Variants in TRPS1 observed in about 807,000 individuals in gnomAD.
TRPS1 encodes the protein transcriptional repressor GATA binding 1, also known as zinc finger transcription factor Trps1.
A neutral mutation model predicts 101.2 loss-of-function variants in TRPS1; 6 were observed. The observed-to-expected ratio is 0.06, with a 90% CI of 0.03 to 0.12. The LOEUF is 0.12. Among genes scored for constraint, TRPS1 ranks in the 10% least tolerant of loss-of-function variants. The probability of loss-of-function intolerance (pLI) is 1.00; values close to 1 mark genes in which losing one functional copy is unlikely to be tolerated. For missense variants in TRPS1, 1,363 were observed against 1,567.0 expected (o/e 0.87, Z 2.20); for synonymous variants, 578 against 589.8 (o/e 0.98, Z 0.29).
chr8:115,514,950 A>G (rs1044248451), intron 5 of TRPS1, among the ~76,000 whole-genome samples: 1 of 151,652 alleles, frequency 6.6e-6, no homozygotes, highest in Non-Finnish European at 1.5e-5. Context: ...ATGGTTTTTA[A>G]AAATGTTTTT....
chr8:115,619,689 G>A lies in TRPS1; in HGVS notation c.409C>T (p.Pro137Ser). 1 of 1,614,164 alleles carries A rather than the reference G, an allele frequency of 6.2e-7. No individual in the cohort carries two copies. The highest frequency in any genetic ancestry group is 8.5e-7 in the Non-Finnish European group (1 of 1,180,038). Residue 137 changes from proline (P) to serine (S), a missense_variant, in exon 3 of 7, where the codon CCC becomes TCC. Transcript: ENST00000395715. Reference sequence around the variant, plus strand: ...TCTGCTCTTTGCGGAGACTTCAAGGGCTCACAGACTCCCCCAGCAGCTGGA... The same window carrying A: ...TCTGCTCTTTGCGGAGACTTCAAGGACTCACAGACTCCCCCAGCAGCTGGA... ...SSPAAGGVCE[P>S]LKSPQRAEAD... is the part of the protein sequence containing the mutation.
chr8:115,467,139 A>C (rs1814342051), intron 5 of TRPS1, among the ~76,000 whole-genome samples: 1 of 152,138 alleles, frequency 6.6e-6, no homozygotes, highest in Non-Finnish European at 1.5e-5. Context: ...ATTTATGTAA[A>C]GGGAAGGAGC....
intron 1 of TRPS1, chr8:115,637,315 A>G: frequency 1.0e-6 from 1 of 985,424 alleles, no homozygotes; most frequent in South Asian, 4.7e-5. Context: ...AGAAAGCAGG[A>G]AGCCACTTGA....
At chr8:115,416,876 CAT>C (rs1174270191) in intron 6 of TRPS1, among the ~76,000 whole-genome samples, 1 of 152,118 alleles carries the variant, frequency 6.6e-6, no homozygotes, top group Non-Finnish European at 1.5e-5. Context: ...GCATTATAAA[CAT>C]ATGCATTATT....
chr8:115,419,647 A>T (rs1365180212), intron 5 of TRPS1, among the ~76,000 whole-genome samples: 1 of 152,204 alleles, frequency 6.6e-6, no homozygotes, highest in Admixed American at 6.5e-5. Flanking sequence ...GTACTCTGAT[A>T]CATTTCAAAT....
At chr8:115,504,657 A>G (rs1054859506) in intron 5 of TRPS1, among the ~76,000 whole-genome samples, 4 of 152,154 alleles carry the variant, frequency 2.6e-5, no homozygotes, top group African/African-American at 9.6e-5. Flanking sequence ...TTTTCCTAGC[A>G]TAAGTCAGGC....
intron 5 of TRPS1, among the ~76,000 whole-genome samples, chr8:115,452,097 A>G (rs1381922844): frequency 6.6e-6 from 1 of 152,216 alleles, no homozygotes; most frequent in Admixed American, 6.5e-5. Flanking sequence ...CTTTATTTTA[A>G]CAAGTGTGAG....
intron 5 of TRPS1, among the ~76,000 whole-genome samples, chr8:115,473,881 T>C (rs1289374592): frequency 7.2e-5 from 11 of 152,212 alleles, no homozygotes. Context: ...TTCATTAACA[T>C]TTAGAGGAGT....
chr8:115,615,542 G>T (rs1313995061), intron 3 of TRPS1, among the ~76,000 whole-genome samples: 2 of 152,110 alleles, frequency 1.3e-5, no homozygotes, highest in African/African-American at 4.8e-5. Flanking sequence ...GGCCGAGGCG[G>T]GTGGTCAGGA....
In TRPS1 at chr8:115,430,826, A is replaced by T. The variant is rs192386616; in HGVS notation, c.2701-12374T>A. The stretch of plus-strand genomic sequence containing the variant: ...TCTTTATTTTCATTAAAGCAATATC[A>T]TATTTTATAAGTGGGATTAAAACAC... On this transcript the variant is annotated intron_variant, in intron 5 of 6. Transcript: ENST00000395715. Among the ~76,000 whole-genome samples the T allele has an allele frequency of 1.8e-3, 269 of 152,152 alleles. 6 individuals carry two copies. Among genetic ancestry groups the T allele is most frequent in the Admixed American group, 0.016 (242 of 15,270 alleles).
chr8:115,554,969 C>T (rs757709780), intron 5 of TRPS1, among the ~76,000 whole-genome samples: 5 of 152,050 alleles, frequency 3.3e-5, no homozygotes, highest in Admixed American at 1.3e-4. Context: ...GGCAAGAGGG[C>T]GAAAATAAGT....
chr8:115,607,961 T>G (rs1818078023), intron 3 of TRPS1, among the ~76,000 whole-genome samples: 1 of 152,158 alleles, frequency 6.6e-6, no homozygotes, highest in Non-Finnish European at 1.5e-5. Flanking sequence ...ATTTATGCTA[T>G]TTTAAATCTA....
chr8:115,422,102 T>C (rs79771025), intron 5 of TRPS1, among the ~76,000 whole-genome samples: 4,285 of 152,248 alleles, frequency 0.028, 193 homozygotes, highest in African/African-American at 0.094. Context: ...TTCCTAATCG[T>C]CACTGAACAT....
chr8:115,446,835 C>T (rs184875285), intron 5 of TRPS1, among the ~76,000 whole-genome samples: 1 of 152,206 alleles, frequency 6.6e-6, no homozygotes, highest in Admixed American at 6.5e-5. Flanking sequence ...TCTATTCTGA[C>T]GTCTTTTTAT....
chr8:115,642,371 AT>A (rs1291915081), intron 1 of TRPS1, among the ~76,000 whole-genome samples: 7 of 152,150 alleles, frequency 4.6e-5, no homozygotes, highest in East Asian at 3.9e-4. Context: ...GAGCAAAAAA[AT>A]AATACAGAAC....
chr8:115,559,117 A>G (rs892750396), intron 5 of TRPS1, among the ~76,000 whole-genome samples: 6 of 152,178 alleles, frequency 3.9e-5, no homozygotes, highest in African/African-American at 1.2e-4. Flanking sequence ...TACAAAGTAC[A>G]TTAATATTTC....
At chr8:115,426,626 T>C (rs1443138683) in intron 5 of TRPS1, among the ~76,000 whole-genome samples, 1 of 152,178 alleles carries the variant, frequency 6.6e-6, no homozygotes, top group Non-Finnish European at 1.5e-5. Flanking sequence ...GGTTCCTCGA[T>C]GGTTTCTCAC....
intron 5 of TRPS1, among the ~76,000 whole-genome samples, chr8:115,486,113 G>A (rs1251526093): frequency 2.0e-5 from 3 of 152,252 alleles, no homozygotes; most frequent in South Asian, 2.1e-4. Context: ...CCAACAGCAC[G>A]TGCTCACTTC....
At chr8:115,429,383 T>C (rs1384477109) in intron 5 of TRPS1, among the ~76,000 whole-genome samples, 5 of 152,146 alleles carry the variant, frequency 3.3e-5, no homozygotes, top group Non-Finnish European at 5.9e-5. Context: ...TACGTAAAAA[T>C]TCTCTCTTCA....
Sources: allele counts gnomAD v4.1 joint callset (sites outside exome capture counted in the v4.1 genomes callset), GRCh38; gene constraint gnomAD v4.1.1; transcripts MANE v1.5; gene names NCBI Gene and HGNC (gene_info 2026-07-23, HGNC 2026-07-21).